DLG2: variants seen among roughly 807,000 people sequenced by gnomAD.
DLG2 encodes the protein disks large homolog 2.
A neutral mutation model predicts 132.5 loss-of-function variants in DLG2; 45 were observed. The ratio of observed to expected loss-of-function variants is 0.34; its 90% CI spans 0.27 to 0.44. The LOEUF (loss-of-function observed/expected upper bound fraction) is 0.44. Ranked by LOEUF, DLG2 falls within the 20% of genes least tolerant of loss-of-function variation. The pLI is 1.00. For synonymous variants in DLG2, 424 were observed against 419.6 expected, an observed-to-expected ratio of 1.01 and a Z score of -0.13; for missense variants, 1,045 against 1,196.9, an observed-to-expected ratio of 0.87 and a Z score of 1.87.
intron 2 of DLG2, among the ~76,000 whole-genome samples, chr11:85,624,329 T>C (rs2081924388): frequency 6.6e-6 from 1 of 152,168 alleles, no homozygotes. Flanking sequence ...TCCTCTCTCT[T>C]TGACAAAAAT....
At chr11:85,499,112 A>G (rs1343974081) in intron 3 of DLG2, among the ~76,000 whole-genome samples, 1 of 152,208 alleles carries the variant, frequency 6.6e-6, no homozygotes. Context: ...GCAGAACTGT[A>G]GGAAGTAGAG....
intron 7 of DLG2, among the ~76,000 whole-genome samples, chr11:84,407,364 G>C (rs1238145021): frequency 6.6e-6 from 1 of 151,716 alleles, no homozygotes; most frequent in Non-Finnish European, 1.5e-5. Flanking sequence ...GGGTTCTTTT[G>C]TTGCCTTTCA....
At chr11:83,871,527 G>C (rs1208622476) in intron 16 of DLG2, among the ~76,000 whole-genome samples, 1 of 152,140 alleles carries the variant, frequency 6.6e-6, no homozygotes, top group African/African-American at 2.4e-5. Flanking sequence ...TCAAATAATG[G>C]GATTTGCAAT....
intron 6 of DLG2, chr11:84,545,581 A>T (rs181627415): frequency 2.7e-6 from 1 of 366,776 alleles, no homozygotes; most frequent in East Asian, 6.6e-5. Context: ...AAGTTTCCTA[A>T]CTTCACAGTT....
At chr11:84,696,997 G>GAGTCTT (rs2058687057) in intron 6 of DLG2, among the ~76,000 whole-genome samples, 2 of 151,350 alleles carry the variant, frequency 1.3e-5, no homozygotes, top group Admixed American at 1.3e-4. Context: ...GGAGAACTAG[G>GAGTCTT]TACCTCAGTA....
intron 4 of DLG2, among the ~76,000 whole-genome samples, chr11:85,159,549 C>A (rs1594936726): frequency 6.6e-6 from 1 of 152,196 alleles, no homozygotes; most frequent in South Asian, 2.1e-4. Context: ...TTCAACTCTC[C>A]TATTTGGCCT....
intron 21 of DLG2, among the ~76,000 whole-genome samples, chr11:83,491,205 C>T (rs1171473835): frequency 2.7e-5 from 4 of 148,442 alleles, no homozygotes; most frequent in Non-Finnish European, 6.0e-5. Flanking sequence ...AATTCCAACT[C>T]GCATGAAGCA....
chr11:84,245,316 C>T (rs1475561068), intron 8 of DLG2, among the ~76,000 whole-genome samples: 2 of 152,140 alleles, frequency 1.3e-5, no homozygotes, highest in Non-Finnish European at 2.9e-5. Context: ...GGCCTTTTCA[C>T]ATTGAAAGCA....
intron 4 of DLG2, among the ~76,000 whole-genome samples, chr11:85,172,045 C>T (rs920433145): frequency 8.5e-5 from 13 of 152,212 alleles, no homozygotes; most frequent in East Asian, 1.9e-4. Flanking sequence ...CTGAAGAGTC[C>T]GGGCATTCTG....
intron 15 of DLG2, among the ~76,000 whole-genome samples, chr11:83,911,347 C>T (rs775994923): frequency 1.8e-4 from 27 of 152,070 alleles, no homozygotes; most frequent in South Asian, 4.2e-4. Flanking sequence ...TTGCTTTTAC[C>T]GTAGTTATTT....
intron 7 of DLG2, among the ~76,000 whole-genome samples, chr11:84,524,823 G>A (rs536312598): frequency 6.6e-6 from 1 of 151,284 alleles, no homozygotes; most frequent in African/African-American, 2.4e-5. Flanking sequence ...ATGACTGTTG[G>A]GGTCAAATGT....
At position 85,346,344 on chromosome 11, in the gene DLG2, C is replaced by A. The variant is rs566616631; in HGVS notation, c.41-60979G>T. Reference sequence around the variant, plus strand: ...CTGGGACTACAGGTGTCTGCCACCACGCCCAGCTAAATTTTTTGTATTTTT... The same window carrying A: ...CTGGGACTACAGGTGTCTGCCACCAAGCCCAGCTAAATTTTTTGTATTTTT... On this transcript the variant is annotated intron_variant, in intron 3 of 27. Coordinates refer to ENST00000376104, the MANE Select transcript of DLG2 (RefSeq NM_001142699.3). 4.1e-4 allele frequency among the ~76,000 whole-genome samples: 63 copies of A among 151,982 alleles called. 1 individual carries two copies. Among genetic ancestry groups the A allele is most frequent in the African/African-American group, 1.4e-3 (57 of 41,380 alleles).
At chr11:84,329,357 CAT>C (rs951350460) in intron 7 of DLG2, among the ~76,000 whole-genome samples, 9 of 152,262 alleles carry the variant, frequency 5.9e-5, no homozygotes, top group African/African-American at 1.9e-4. Flanking sequence ...ATAATCCTCA[CAT>C]GTCGTGGGAG....
intron 18 of DLG2, among the ~76,000 whole-genome samples, chr11:83,668,343 C>T (rs2076095134): frequency 6.6e-6 from 1 of 152,184 alleles, no homozygotes; most frequent in Admixed American, 6.5e-5. Flanking sequence ...AAAGACAACA[C>T]ATTTTATAGC....
intron 6 of DLG2, among the ~76,000 whole-genome samples, chr11:84,954,377 G>A (rs995131381): frequency 1.1e-4 from 17 of 149,920 alleles, no homozygotes; most frequent in Non-Finnish European, 3.0e-5. Context: ...CCCTCACGTC[G>A]ACATTAAAGA....
intron 6 of DLG2, among the ~76,000 whole-genome samples, chr11:84,829,939 T>C (rs1463231978): frequency 4.0e-5 from 6 of 151,626 alleles, no homozygotes; most frequent in Non-Finnish European, 8.9e-5. Flanking sequence ...AGTCCAAAGA[T>C]AGGATTTGAG....
intron 6 of DLG2, among the ~76,000 whole-genome samples, chr11:84,925,574 G>A (rs1356950342): frequency 6.6e-6 from 1 of 152,078 alleles, no homozygotes; most frequent in Non-Finnish European, 1.5e-5. Flanking sequence ...TCCCACTAAA[G>A]AATATTCCAT....
chr11:85,525,045 A>T (rs2074639053), intron 3 of DLG2: 1 of 152,178 alleles, frequency 6.6e-6, no homozygotes, highest in Admixed American at 6.6e-5. Flanking sequence ...ATTAAGAAAA[A>T]AACATGTAAA....
At chr11:83,933,108 A>G (rs1010212239) in intron 14 of DLG2, among the ~76,000 whole-genome samples, 1 of 152,216 alleles carries the variant, frequency 6.6e-6, no homozygotes, top group African/African-American at 2.4e-5. Flanking sequence ...CCATCAGACA[A>G]ACAAGAAATG....
Sources: allele counts gnomAD v4.1 joint callset (sites outside exome capture counted in the v4.1 genomes callset), GRCh38; gene constraint gnomAD v4.1.1; transcripts MANE v1.5; gene names NCBI Gene and HGNC (gene_info 2026-07-23, HGNC 2026-07-21).